Variants in TBC1D8 observed in about 807,000 individuals in gnomAD.
TBC1D8 encodes TBC1 domain family member 8, also known as BUB2-like protein 1.
A neutral mutation model predicts 118.8 loss-of-function variants in TBC1D8; 65 were observed. The ratio of observed to expected loss-of-function variants is 0.55; its 90% confidence interval spans 0.45 to 0.67. TBC1D8 has a LOEUF of 0.67. Among genes scored for constraint, TBC1D8 ranks in the 30% least tolerant of loss-of-function variants. TBC1D8 has a pLI of 0.00. For missense variants in TBC1D8, 1,376 were observed against 1,471.2 expected (o/e 0.94, Z 1.06); for synonymous variants, 566 against 595.8 (o/e 0.95, Z 0.73).
chr2:101,101,424 T>G (rs574807071), intron 1 of TBC1D8, among the ~76,000 whole-genome samples: 4 of 152,094 alleles, frequency 2.6e-5, no homozygotes, highest in African/African-American at 4.8e-5. Flanking sequence ...TGTGGAGAAA[T>G]AGGAATGCTT....
At chr2:101,038,366 T>G (rs1681160857) in intron 7 of TBC1D8, 95 bp downstream of exon 7, 1 of 1,372,992 alleles carries the variant, frequency 7.3e-7, no homozygotes, top group African/African-American at 1.4e-5. Flanking sequence ...CGCATTCTTC[T>G]CATCCCCACA....
rs550389999 is a variant in TBC1D8 at position 101,089,193 on chromosome 2, A to G, written c.283+1016T>C. On this transcript the variant is annotated intron_variant, in intron 2 of 19. Coordinates refer to ENST00000409318, the MANE Select transcript of TBC1D8 (RefSeq NM_001330348.2). ...CATAGTGAGACTCCATCTCAATAAA[A>G]TAAAATTTAATTTTTTTTTATTTAA... 4.5e-4 allele frequency among the ~76,000 whole-genome samples: 69 copies of G among 152,298 alleles called. 1 individual carries two copies. The South Asian group carries it at 0.013, about 28-fold the overall frequency.
chr2:101,012,360 C>A (rs991173397), intron 17 of TBC1D8, among the ~76,000 whole-genome samples: 1 of 152,130 alleles, frequency 6.6e-6, no homozygotes, highest in African/African-American at 2.4e-5. Flanking sequence ...GAATATTTGG[C>A]CATTAAAAGG....
At chr2:101,141,799 G>GCA (rs1491106125) in intron 1 of TBC1D8, among the ~76,000 whole-genome samples, 1 of 144,636 alleles carries the variant, frequency 6.9e-6, no homozygotes, top group African/African-American at 2.6e-5. Context: ...ACACATGAAG[G>GCA]CGCGCACACA....
intron 1 of TBC1D8, among the ~76,000 whole-genome samples, chr2:101,121,940 C>T (rs908528906): frequency 5.3e-5 from 8 of 152,028 alleles, no homozygotes; most frequent in Admixed American, 3.9e-4. Flanking sequence ...GCGGCAGGCG[C>T]TTATAGTCCC....
chr2:101,017,074 TA>T lies in TBC1D8; in HGVS notation c.2827+4606del, dbSNP rs376317331. On this transcript the variant is annotated intron_variant, in intron 17 of 19. Coordinates refer to ENST00000409318, the MANE Select transcript of TBC1D8 (RefSeq NM_001330348.2). ...CATGTACCCTAAAACTTAAAAGTAT[TA>T]AAAAAAAAAAAAAAAGACAAACACG... Among the ~76,000 whole-genome samples, 1,083 of 132,864 alleles carry T rather than the reference TA, an allele frequency of 8.2e-3. 7 individuals carry two copies. Among genetic ancestry groups the T allele is most frequent in the African/African-American group, 0.017 (624 of 36,168 alleles). The allele number at this position is 132,864 out of a possible 152,430, so 87.2% of individuals were successfully genotyped here.
intron 16 of TBC1D8, among the ~76,000 whole-genome samples, chr2:101,022,077 G>A (rs1680062097): frequency 6.6e-6 from 1 of 152,212 alleles, no homozygotes; most frequent in Non-Finnish European, 1.5e-5. Context: ...TATGTTGAGA[G>A]CGTGGGCCCC....
At chr2:101,031,660 T>G (rs1317897868) in intron 11 of TBC1D8, among the ~76,000 whole-genome samples, 2 of 152,216 alleles carry the variant, frequency 1.3e-5, no homozygotes, top group African/African-American at 4.8e-5. Flanking sequence ...AGGTACCCAG[T>G]GCAGGAGCGT....
chr2:101,138,064 C>T (rs955820821), intron 1 of TBC1D8, among the ~76,000 whole-genome samples: 1 of 152,108 alleles, frequency 6.6e-6, no homozygotes, highest in East Asian at 1.9e-4. Flanking sequence ...TTCATACGAC[C>T]GGAGCAGGAG....
intron 18 of TBC1D8, chr2:101,011,249 G>T: frequency 1.5e-6 from 1 of 666,238 alleles, no homozygotes; most frequent in Non-Finnish European, 2.4e-6. Context: ...GAAGGAACTT[G>T]GTGGTGGGGG....
chr2:101,093,388 TTTG>T (rs1377271397), intron 1 of TBC1D8, among the ~76,000 whole-genome samples: 1 of 152,134 alleles, frequency 6.6e-6, no homozygotes, highest in Non-Finnish European at 1.5e-5. Context: ...TATACATGTA[TTTG>T]TTGACACATT....
chr2:101,108,040 A>G (rs1412663024), intron 1 of TBC1D8, among the ~76,000 whole-genome samples: 1 of 140,402 alleles, frequency 7.1e-6, no homozygotes, highest in Non-Finnish European at 1.5e-5. Context: ...TGGGCAAGAG[A>G]GCAAGGCTCT....
At chr2:101,122,293 G>A (rs1172848447) in intron 1 of TBC1D8, among the ~76,000 whole-genome samples, 6 of 142,200 alleles carry the variant, frequency 4.2e-5, no homozygotes, top group East Asian at 4.4e-4. Context: ...GGCTGGTCTC[G>A]AACTCCTGAC....
chr2:101,119,908 CT>C (rs1489359124), intron 1 of TBC1D8, among the ~76,000 whole-genome samples: 19 of 152,200 alleles, frequency 1.2e-4, no homozygotes, highest in African/African-American at 4.6e-4. Context: ...CCTTAGCTCT[CT>C]TATCTGCAAC....
chr2:101,042,997 C>T (rs934569710), intron 5 of TBC1D8, among the ~76,000 whole-genome samples: 1 of 152,192 alleles, frequency 6.6e-6, no homozygotes, highest in Non-Finnish European at 1.5e-5. Flanking sequence ...TCCACCATCA[C>T]ACAACTGACT....
chr2:101,062,025 G>C (rs530018839), intron 2 of TBC1D8, among the ~76,000 whole-genome samples: 1 of 152,186 alleles, frequency 6.6e-6, no homozygotes, highest in African/African-American at 2.4e-5. Flanking sequence ...GGGTACATCT[G>C]GTTTACCTGC....
intron 19 of TBC1D8, among the ~76,000 whole-genome samples, chr2:101,009,659 C>G (rs888971290): frequency 1.2e-4 from 18 of 151,956 alleles, no homozygotes; most frequent in African/African-American, 4.4e-4. Context: ...ATTCCCAGCA[C>G]AGTAGACGAG....
intron 17 of TBC1D8, among the ~76,000 whole-genome samples, chr2:101,013,454 A>G (rs1679382957): frequency 1.3e-5 from 2 of 152,236 alleles, no homozygotes; most frequent in Non-Finnish European, 2.9e-5. Context: ...AAATGGATTG[A>G]CAGACAATTT....
rs760466834 is a variant in TBC1D8 at position 101,037,541 on chromosome 2, G to A, written c.1443C>T (p.Asp481=). 5.0e-6 allele frequency: 8 copies of A among 1,612,370 alleles called. No homozygotes were observed. The Admixed American group carries it at 1.2e-4, about 24-fold the overall frequency. ...AFQQSGSQSP[D]SRMSREQIKI... ...ACCAGGCGTCACCCACCATTCGGGA[G>A]TCAGGGCTCTGGCTGCCTGACTGCT... Residue 481 remains aspartate, a synonymous_variant, in exon 8 of 20, where the codon GAC becomes GAT. Coordinates refer to ENST00000409318, the MANE Select transcript of TBC1D8 (RefSeq NM_001330348.2).
Sources: allele counts gnomAD v4.1 joint callset (sites outside exome capture counted in the v4.1 genomes callset), GRCh38; gene constraint gnomAD v4.1.1; transcripts MANE v1.5; gene names NCBI Gene and HGNC (gene_info 2026-07-23, HGNC 2026-07-21).